The following CLSTN2 variants were observed in gnomAD, a reference collection of about 807,000 sequenced individuals.
The protein encoded by CLSTN2 is calsyntenin 2, also known as calsyntenin-2.
A neutral mutation model predicts 101.2 loss-of-function variants in CLSTN2; 48 were observed. That is an observed-to-expected ratio of 0.47 (90% CI 0.38 to 0.60). CLSTN2 has a LOEUF of 0.60. Among genes scored for constraint, CLSTN2 ranks in the 20% least tolerant of loss-of-function variants. CLSTN2 has a pLI of 0.00. For missense variants in CLSTN2, 1,160 were observed against 1,238.2 expected, an observed-to-expected ratio of 0.94 and a Z score of 0.95; for synonymous variants, 481 against 463.6, an observed-to-expected ratio of 1.04 and a Z score of -0.48.
chr3:140,328,121 T>A (rs932725746), intron 2 of CLSTN2, among the ~76,000 whole-genome samples: 1 of 152,214 alleles, frequency 6.6e-6, no homozygotes, highest in African/African-American at 2.4e-5. Context: ...TGAAGGGAAC[T>A]ATGTATCTTC....
intron 2 of CLSTN2, among the ~76,000 whole-genome samples, chr3:140,268,349 G>A: frequency 6.6e-6 from 1 of 152,184 alleles, no homozygotes; most frequent in Non-Finnish European, 1.5e-5. Context: ...AACACCCCCT[G>A]TTGGGCTGGG....
At chr3:140,244,316 G>A (rs536110389) in intron 2 of CLSTN2, among the ~76,000 whole-genome samples, 1 of 152,200 alleles carries the variant, frequency 6.6e-6, no homozygotes, top group Non-Finnish European at 1.5e-5. Context: ...AGCTAGAAGG[G>A]AATTATTGTA....
chr3:140,253,416 C>T (rs550598483), intron 2 of CLSTN2, among the ~76,000 whole-genome samples: 112 of 152,284 alleles, frequency 7.4e-4, no homozygotes, highest in African/African-American at 2.5e-3. Flanking sequence ...AGGAGTCTGA[C>T]GTTCCTTAAT....
At chr3:139,952,224 G>A (rs1186957161) in intron 1 of CLSTN2, among the ~76,000 whole-genome samples, 2 of 152,208 alleles carry the variant, frequency 1.3e-5, no homozygotes, top group Non-Finnish European at 2.9e-5. Context: ...TCTGAAATGA[G>A]AAGACCTGGT....
intron 1 of CLSTN2, among the ~76,000 whole-genome samples, chr3:140,100,018 G>A (rs563470802): frequency 4.6e-5 from 7 of 152,196 alleles, no homozygotes; most frequent in Non-Finnish European, 7.4e-5. Context: ...TTTCTCCTTC[G>A]TTTTCCCTCC....
At chr3:140,429,114 T>G (rs914532712) in intron 5 of CLSTN2, among the ~76,000 whole-genome samples, 2 of 152,172 alleles carry the variant, frequency 1.3e-5, no homozygotes, top group Non-Finnish European at 2.9e-5. Flanking sequence ...CAGCAACTAA[T>G]CTAATGCTGG....
At chr3:140,435,939 G>A (rs2088681783) in intron 5 of CLSTN2, among the ~76,000 whole-genome samples, 1 of 152,128 alleles carries the variant, frequency 6.6e-6, no homozygotes, top group Non-Finnish European at 1.5e-5. Flanking sequence ...TTCCTGTAGA[G>A]TTGTTTGAAT....
At chr3:140,330,025 G>T (rs1437971923) in intron 2 of CLSTN2, among the ~76,000 whole-genome samples, 1 of 152,180 alleles carries the variant, frequency 6.6e-6, no homozygotes, top group African/African-American at 2.4e-5. Flanking sequence ...GTCCTTCCTA[G>T]GGTTCTATGA....
chr3:139,966,746 G>A (rs1004371388), intron 1 of CLSTN2, among the ~76,000 whole-genome samples: 1 of 152,200 alleles, frequency 6.6e-6, no homozygotes, highest in South Asian at 2.1e-4. Flanking sequence ...AGGCTCATAA[G>A]TGTTTGTTGA....
chr3:139,958,913 T>C (rs1198201015), intron 1 of CLSTN2, among the ~76,000 whole-genome samples: 2 of 150,528 alleles, frequency 1.3e-5, no homozygotes, highest in African/African-American at 4.9e-5. Context: ...TTTGCCTGTT[T>C]GGTGTCAGAT....
At position 140,094,090 on chromosome 3, in the gene CLSTN2, AT is replaced by A. The variant is rs1256651551; in HGVS notation, c.110-81856del. On this transcript the variant is annotated intron_variant, in intron 1 of 16. Transcript: ENST00000458420. ...CGTCTCATTAATAGAACTTGGACTC[AT>A]TTTTCTGTCACTAATATCCTTTTCA... Among the ~76,000 whole-genome samples the A allele has an allele frequency of 3.3e-5, 5 of 152,330 alleles. No individual in the cohort carries two copies. The South Asian group carries it at 8.3e-4, about 25-fold the overall frequency.
intron 1 of CLSTN2, among the ~76,000 whole-genome samples, chr3:140,111,525 T>C (rs528238920): frequency 1.3e-5 from 2 of 152,070 alleles, no homozygotes; most frequent in Non-Finnish European, 2.9e-5. Flanking sequence ...CCCCAGTGTA[T>C]CAAAGTGCCC....
At chr3:139,936,316 G>A (rs553369936) in intron 1 of CLSTN2, among the ~76,000 whole-genome samples, 60 of 152,296 alleles carry the variant, frequency 3.9e-4, no homozygotes, top group African/African-American at 1.4e-3. Context: ...AGGAGGTCAC[G>A]TGCTTGCAGG....
chr3:140,230,553 A>T lies in CLSTN2; in HGVS notation c.232+54480A>T, dbSNP rs566220894. Reference sequence around the variant, plus strand: ...CCTCATAAATGGGATTAGTGCCTTTATAAAACAGACCCCAGAGAGACTCCC... The same window carrying T: ...CCTCATAAATGGGATTAGTGCCTTTTTAAAACAGACCCCAGAGAGACTCCC... On this transcript the variant is annotated intron_variant, in intron 2 of 16. Transcript: ENST00000458420. Among the ~76,000 whole-genome samples the T allele has an allele frequency of 5.3e-5, 8 of 152,320 alleles. No homozygotes were observed. The East Asian group carries it at 1.5e-3, about 29-fold the overall frequency.
intron 1 of CLSTN2, among the ~76,000 whole-genome samples, chr3:140,018,764 A>G (rs544564583): frequency 6.6e-6 from 1 of 152,092 alleles, no homozygotes; most frequent in Non-Finnish European, 1.5e-5. Context: ...GATCTTAGGG[A>G]ATCATCCTCA....
At chr3:140,554,944 T>C (rs1224014039) in intron 10 of CLSTN2, among the ~76,000 whole-genome samples, 1 of 152,254 alleles carries the variant, frequency 6.6e-6, no homozygotes, top group African/African-American at 2.4e-5. Flanking sequence ...TCACTGATTA[T>C]ATATTTATAA....
chr3:140,254,694 A>G (rs2086590654), intron 2 of CLSTN2, among the ~76,000 whole-genome samples: 1 of 152,146 alleles, frequency 6.6e-6, no homozygotes. Context: ...TGGATTAAAG[A>G]CTTAAATGTA....
At chr3:140,364,692 A>G (rs532670305) in intron 2 of CLSTN2, among the ~76,000 whole-genome samples, 1 of 152,366 alleles carries the variant, frequency 6.6e-6, no homozygotes, top group South Asian at 2.1e-4. Context: ...GGGCCAGTAT[A>G]GAAGCAGAGG....
chr3:140,092,600 G>C (rs1175699966), intron 1 of CLSTN2, among the ~76,000 whole-genome samples: 1 of 152,146 alleles, frequency 6.6e-6, no homozygotes, highest in Non-Finnish European at 1.5e-5. Flanking sequence ...GTGCCGGGCT[G>C]GTGCATGAGC....
Sources: gnomAD v4.1 joint callset for allele counts (sites outside exome capture counted in the v4.1 genomes callset) on GRCh38, gnomAD v4.1.1 for gene constraint, MANE v1.5 for transcripts, NCBI Gene and HGNC (gene_info 2026-07-23, HGNC 2026-07-21) for gene names.